Variants in CR1L observed in about 807,000 individuals in gnomAD.
CR1L encodes complement component receptor 1-like protein.
A neutral mutation model predicts 62.3 loss-of-function variants in CR1L; 59 were observed. The observed-to-expected ratio is 0.95, with a 90% CI of 0.77 to 1.18. CR1L has a LOEUF of 1.18. Ranked by LOEUF, CR1L falls within the 50% of genes most tolerant of loss-of-function variation. The pLI is 0.00. For missense variants in CR1L, 700 were observed against 702.8 expected, an observed-to-expected ratio of 1.00 and a Z score of 0.04; for synonymous variants, 279 against 248.7, an observed-to-expected ratio of 1.12 and a Z score of -1.15.
intron 4 of CR1L, among the ~76,000 whole-genome samples, chr1:207,692,100 A>T (rs1403722713): frequency 1.3e-5 from 2 of 152,258 alleles, no homozygotes; most frequent in African/African-American, 4.8e-5. Context: ...GGTGATTGGC[A>T]TAAGAGTAAC....
chr1:207,669,399 A>G, intron 1 of CR1L: 1 of 481,988 alleles, frequency 2.1e-6, no homozygotes, highest in South Asian at 2.5e-5. Context: ...CTCTTATTTC[A>G]GTTTTCTTCG....
intron 4 of CR1L, 112 bp downstream of exon 4, chr1:207,684,069 GAAGA>G: frequency 4.2e-6 from 4 of 957,654 alleles, no homozygotes; most frequent in Non-Finnish European, 6.2e-6. Context: ...TCACATGGCT[GAAGA>G]CAGCCATAAT....
intron 3 of CR1L, among the ~76,000 whole-genome samples, chr1:207,682,092 C>G (rs1369969249): frequency 1.3e-5 from 2 of 151,962 alleles, no homozygotes; most frequent in African/African-American, 4.8e-5. Flanking sequence ...ACATGTATAC[C>G]TATGTAACAA....
Position 207,701,606 on chromosome 1 carries a change from C to G in CR1L, c.1316C>G (p.Ser439Cys). The G allele has an allele frequency of 6.2e-7, 1 of 1,613,760 alleles. No homozygotes were observed. Among genetic ancestry groups the G allele is most frequent in the Non-Finnish European group, 8.5e-7 (1 of 1,179,730 alleles). Reference protein sequence around the residue: ...DIHVGSRINYSCTTGHRLIGH... With the variant: ...DIHVGSRINYCCTTGHRLIGH... ...CATGTTGGATCCAGAATCAACTATT[C>G]TTGTACTACAGGGTGAGTTGGCAGC... Residue 439 changes from serine to cysteine, a missense_variant, in exon 9 of 12, where the codon TCT becomes TGT. By Grantham distance (112) the Ser-to-Cys change is moderately radical (BLOSUM62 -1). Coordinates refer to ENST00000508064, the MANE Select transcript of CR1L (RefSeq NM_175710.2).
intron 1 of CR1L, among the ~76,000 whole-genome samples, chr1:207,673,914 C>A (rs1462395645): frequency 2.0e-5 from 3 of 152,058 alleles, no homozygotes; most frequent in Non-Finnish European, 4.4e-5. Context: ...GGGAACAATC[C>A]AAATGTCCCT....
intron 1 of CR1L, among the ~76,000 whole-genome samples, chr1:207,650,604 G>A (rs1221947977): frequency 6.6e-6 from 1 of 152,158 alleles, no homozygotes; most frequent in Non-Finnish European, 1.5e-5. Context: ...GTTTTAAATA[G>A]ATTGGATAGT....
At chr1:207,690,342 C>CTATTTA (rs760558250) in intron 4 of CR1L, among the ~76,000 whole-genome samples, 8 of 152,200 alleles carry the variant, frequency 5.3e-5, no homozygotes, top group Non-Finnish European at 8.8e-5. Context: ...GACCCATAGG[C>CTATTTA]TATTTAGAAG....
chr1:207,696,106 G>A (rs1371179202), intron 5 of CR1L, among the ~76,000 whole-genome samples: 3 of 152,016 alleles, frequency 2.0e-5, no homozygotes, highest in Non-Finnish European at 2.9e-5. Context: ...AGCTGCTGTG[G>A]CTCCCAGTCT....
At chr1:207,701,838 C>T (rs551965292) in intron 9 of CR1L, 9 of 733,364 alleles carry the variant, frequency 1.2e-5, no homozygotes, top group African/African-American at 8.7e-5. Flanking sequence ...AAGAGTATGC[C>T]GTTCACTGGA....
At chr1:207,663,800 A>G (rs1261174639) in intron 1 of CR1L, among the ~76,000 whole-genome samples, 1 of 152,142 alleles carries the variant, frequency 6.6e-6, no homozygotes, top group Admixed American at 6.5e-5. Flanking sequence ...TTTCAGAGTG[A>G]TCTGTTGACA....
chr1:207,703,317 G>A (rs1187577672), intron 9 of CR1L, among the ~76,000 whole-genome samples: 1 of 152,202 alleles, frequency 6.6e-6, no homozygotes, highest in Non-Finnish European at 1.5e-5. Context: ...TCTCGTTGGT[G>A]AGTTTGAGTT....
intron 11 of CR1L, among the ~76,000 whole-genome samples, chr1:207,722,661 T>G (rs189937497): frequency 1.3e-5 from 2 of 152,290 alleles, no homozygotes; most frequent in Admixed American, 6.5e-5. Context: ...GTCCATTAAA[T>G]TAACGACAAA....
intron 10 of CR1L, chr1:207,710,399 C>A (rs746569324): frequency 7.9e-6 from 12 of 1,512,432 alleles, no homozygotes; most frequent in Admixed American, 1.7e-5. Flanking sequence ...TTGTGGGCTA[C>A]CCCCCAACAT....
At chr1:207,716,927 C>T (rs568687950) in intron 10 of CR1L, among the ~76,000 whole-genome samples, 53 of 152,272 alleles carry the variant, frequency 3.5e-4, no homozygotes, top group East Asian at 1.4e-3. Context: ...ACCATTTAAT[C>T]TGTGTAAAAA....
intron 1 of CR1L, chr1:207,659,008 G>A (rs1201194660): frequency 2.0e-5 from 3 of 152,430 alleles, no homozygotes; most frequent in Non-Finnish European, 4.4e-5. Flanking sequence ...CGCATGATGG[G>A]ATGCACCAAG....
At chr1:207,673,404 G>A (rs1663643419) in intron 1 of CR1L, among the ~76,000 whole-genome samples, 1 of 152,294 alleles carries the variant, frequency 6.6e-6, no homozygotes, top group South Asian at 2.1e-4. Flanking sequence ...CCTAAGCAAA[G>A]CAAGTGCAAG....
chr1:207,662,271 C>T (rs1663436731), intron 1 of CR1L, among the ~76,000 whole-genome samples: 1 of 152,206 alleles, frequency 6.6e-6, no homozygotes, highest in South Asian at 2.1e-4. Context: ...CTCCCCATCA[C>T]TTTCAGGTAC....
intron 4 of CR1L, among the ~76,000 whole-genome samples, chr1:207,685,730 T>C (rs1321538571): frequency 6.6e-6 from 1 of 152,090 alleles, no homozygotes; most frequent in East Asian, 1.9e-4. Flanking sequence ...AAACTCCCCG[T>C]GTGAATGTTT....
chr1:207,664,251 A>G (rs1327181835), intron 1 of CR1L, among the ~76,000 whole-genome samples: 1 of 152,234 alleles, frequency 6.6e-6, no homozygotes, highest in Non-Finnish European at 1.5e-5. Flanking sequence ...TGCGTAGACT[A>G]TGCTTAATTA....
Sources: gnomAD v4.1 joint callset for allele counts (sites outside exome capture counted in the v4.1 genomes callset) on GRCh38, gnomAD v4.1.1 for gene constraint, MANE v1.5 for transcripts, NCBI Gene and HGNC (gene_info 2026-07-23, HGNC 2026-07-21) for gene names.